Variants in CTIF observed in about 807,000 individuals in gnomAD.
The protein encoded by CTIF is CBP80/20-dependent translation initiation factor.
CTIF carries 21 observed loss-of-function variants against 66.0 expected under a neutral mutation model. The observed-to-expected ratio is 0.32, with a 90% CI of 0.23 to 0.46. CTIF has a LOEUF of 0.46. Ranked by LOEUF, CTIF falls within the 20% of genes least tolerant of loss-of-function variation. The pLI is 1.00. For missense variants in CTIF, 739 were observed against 812.7 expected (o/e 0.91, Z 1.10); for synonymous variants, 345 against 326.4 (o/e 1.06, Z -0.62).
At chr18:48,596,716 T>C (rs909218568) in intron 1 of CTIF, among the ~76,000 whole-genome samples, 2 of 152,128 alleles carry the variant, frequency 1.3e-5, no homozygotes, top group Non-Finnish European at 2.9e-5. Flanking sequence ...GATCTTGTGA[T>C]CCGCCCACCT....
At chr18:48,635,976 G>C (rs1051875543) in intron 2 of CTIF, among the ~76,000 whole-genome samples, 3 of 152,218 alleles carry the variant, frequency 2.0e-5, no homozygotes, top group Non-Finnish European at 4.4e-5. Context: ...GCCTCACAGA[G>C]TCTAATTCAG....
At chr18:48,669,842 A>G (rs1238300334) in intron 5 of CTIF, among the ~76,000 whole-genome samples, 2 of 69,842 alleles carry the variant, frequency 2.9e-5, no homozygotes, top group Non-Finnish European at 3.1e-5. Flanking sequence ...TATATATATA[A>G]GCTAGACTAT....
intron 6 of CTIF, among the ~76,000 whole-genome samples, chr18:48,701,822 G>C (rs946944750): frequency 2.0e-5 from 3 of 152,150 alleles, no homozygotes; most frequent in Non-Finnish European, 4.4e-5. Flanking sequence ...ACCCGTGGAG[G>C]GCAATAAGGG....
intron 6 of CTIF, among the ~76,000 whole-genome samples, chr18:48,682,662 A>C (rs771842155): frequency 6.6e-6 from 1 of 152,196 alleles, no homozygotes; most frequent in Non-Finnish European, 1.5e-5. Flanking sequence ...TTTTGCTCAA[A>C]TGAAGGACAA....
intron 7 of CTIF, among the ~76,000 whole-genome samples, chr18:48,738,168 G>A (rs2092520513): frequency 6.6e-6 from 1 of 152,168 alleles, no homozygotes; most frequent in Admixed American, 6.5e-5. Flanking sequence ...TCCACCCGCA[G>A]TGGACCATCA....
chr18:48,751,082 G>GCTTACTGTAACT (rs1481288804), intron 7 of CTIF, among the ~76,000 whole-genome samples: 1 of 152,170 alleles, frequency 6.6e-6, no homozygotes, highest in African/African-American at 2.4e-5. Context: ...GCCATGCCTG[G>GCTTACTGTAACT]CTTACTGTAA....
chr18:48,853,783 G>T (rs1171841757), intron 10 of CTIF, among the ~76,000 whole-genome samples: 1 of 152,210 alleles, frequency 6.6e-6, no homozygotes, highest in African/African-American at 2.4e-5. Context: ...CTGCTGCGGG[G>T]CCCCTAGGCT....
In CTIF at chr18:48,821,996, CT is replaced by C. The variant is rs145702969; in HGVS notation, c.1527+4621del. On this transcript the variant is annotated intron_variant, in intron 10 of 11. Transcript: ENST00000256413. ...AGCGACTCCCCATCTGCACTTCCCC[CT>C]AGCCTCTGGCAACCACTATTCGTTG... Among the ~76,000 whole-genome samples the C allele has an allele frequency of 5.9e-3, 901 of 152,310 alleles. 10 individuals carry two copies. The highest frequency in any genetic ancestry group is 0.021 in the African/African-American group (860 of 41,572).
At chr18:48,859,172 G>C (rs770119269) in intron 11 of CTIF, among the ~76,000 whole-genome samples, 172 bp from the exon 12 acceptor site, 107 of 152,182 alleles carry the variant, frequency 7.0e-4, no homozygotes, top group Non-Finnish European at 1.2e-3. Flanking sequence ...TCTCACTCTT[G>C]GCTACTCCAC....
chr18:48,674,648 C>T (rs1370980820), intron 6 of CTIF, among the ~76,000 whole-genome samples: 1 of 152,190 alleles, frequency 6.6e-6, no homozygotes, highest in African/African-American at 2.4e-5. Flanking sequence ...GTGAGTCTCA[C>T]TGCAGTGCTG....
At chr18:48,788,287 C>T (rs1911900822) in intron 9 of CTIF, among the ~76,000 whole-genome samples, 1 of 152,204 alleles carries the variant, frequency 6.6e-6, no homozygotes, top group Non-Finnish European at 1.5e-5. Context: ...TATAGAGCTT[C>T]ATTCTGAGCA....
intron 7 of CTIF, among the ~76,000 whole-genome samples, chr18:48,744,828 T>C (rs1036264127): frequency 8.6e-5 from 13 of 151,940 alleles, no homozygotes; most frequent in Non-Finnish European, 1.6e-4. Flanking sequence ...TCTTCTTTTT[T>C]TTTTTTTCTT....
intron 3 of CTIF, among the ~76,000 whole-genome samples, chr18:48,651,412 C>T (rs144752755): frequency 9.2e-4 from 140 of 152,250 alleles, no homozygotes; most frequent in African/African-American, 1.5e-3. Flanking sequence ...CATTACATAA[C>T]GGTAAAGAGA....
chr18:48,600,512 G>A (rs1030126263), intron 1 of CTIF, among the ~76,000 whole-genome samples: 2 of 152,094 alleles, frequency 1.3e-5, no homozygotes, highest in Admixed American at 1.3e-4. Flanking sequence ...CTTGAGCAGA[G>A]CCCATCTCTC....
intron 9 of CTIF, among the ~76,000 whole-genome samples, chr18:48,765,145 T>G (rs555091788): frequency 2.0e-3 from 299 of 152,348 alleles, no homozygotes; most frequent in African/African-American, 7.0e-3. Context: ...CTTTCCCTCT[T>G]AACACCTCCA....
intron 1 of CTIF, among the ~76,000 whole-genome samples, chr18:48,542,708 A>G (rs1250688468): frequency 6.6e-6 from 1 of 152,204 alleles, no homozygotes; most frequent in African/African-American, 2.4e-5. Context: ...AGTTTCACAT[A>G]TGTTGGTTTC....
At chr18:48,673,808 A>G (rs1449622194) in intron 6 of CTIF, 3 of 152,234 alleles carry the variant, frequency 2.0e-5, no homozygotes. Flanking sequence ...GTATTTTACA[A>G]TTTTTTGTTT....
chr18:48,674,188 A>T (rs2091587738), intron 6 of CTIF, among the ~76,000 whole-genome samples: 2 of 152,230 alleles, frequency 1.3e-5, no homozygotes, highest in African/African-American at 4.8e-5. Context: ...TCCCCACGAG[A>T]GGCACAGCCT....
intron 1 of CTIF, among the ~76,000 whole-genome samples, chr18:48,595,433 A>AT (rs1050389190): frequency 1.3e-5 from 2 of 151,778 alleles, no homozygotes; most frequent in Non-Finnish European, 2.9e-5. Context: ...TAATTAATTA[A>AT]TTTTTTTTAG....
Sources: allele counts gnomAD v4.1 joint callset (sites outside exome capture counted in the v4.1 genomes callset), GRCh38; gene constraint gnomAD v4.1.1; transcripts MANE v1.5; gene names NCBI Gene and HGNC (gene_info 2026-07-23, HGNC 2026-07-21).